EOGT: variants seen among roughly 807,000 people sequenced by gnomAD.
EOGT encodes the protein EGF domain specific O-linked N-acetylglucosamine transferase, also known as EGF domain-specific O-linked N-acetylglucosamine transferase.
Under a neutral mutation model 70.5 loss-of-function variants are expected in EOGT, and 55 were observed. The observed-to-expected ratio is 0.78, with a 90% CI of 0.63 to 0.98. The LOEUF (loss-of-function observed/expected upper bound fraction) is 0.98. EOGT is among the 50% of genes least tolerant of loss of function. The pLI, the probability that EOGT is intolerant of heterozygous loss-of-function variation, is 0.00. For synonymous variants in EOGT, 246 were observed against 217.1 expected (o/e 1.13, Z -1.17); for missense variants, 703 against 641.9 (o/e 1.10, Z -1.03).
intron 8 of EOGT, among the ~76,000 whole-genome samples, chr3:69,003,129 T>C (rs1423859518): frequency 1.3e-5 from 2 of 152,120 alleles, no homozygotes; most frequent in Non-Finnish European, 2.9e-5. Context: ...CCTACCTACA[T>C]ACCCGCACCT....
At position 68,988,580 on chromosome 3, in the gene EOGT, AAG is replaced by A; in HGVS notation, c.925-5_925-4del. ...AAAACAGCTTCTTTAAAACATACCT[AAG>A]AACAAAGATACATTAAAAGAAGATG... On this transcript the variant is annotated splice_region_variant and splice_polypyrimidine_tract_variant and intron_variant, in intron 11 of 17. Transcript: ENST00000383701. 1 of 1,516,140 alleles carries A rather than the reference AAG, an allele frequency of 6.6e-7. No individual in the cohort carries two copies. The highest frequency in any genetic ancestry group is 8.8e-7 in the Non-Finnish European group (1 of 1,133,476). The allele number at this position is 1,516,140 out of a possible 1,614,324, so 93.9% of individuals were successfully genotyped here. A position where few individuals can be genotyped will look rare whatever the true frequency, so the allele number is the denominator to read the frequency against.
chr3:69,001,635 G>A lies in EOGT; in HGVS notation c.700C>T (p.Pro234Ser). The A allele has an allele frequency of 1.9e-6, 3 of 1,609,422 alleles. No individual in the cohort carries two copies. Among genetic ancestry groups the A allele is most frequent in the Non-Finnish European group, 2.5e-6 (3 of 1,177,686 alleles). The change falls in exon 9 of 18, where the codon CCA becomes TCA. Residue 234 changes from proline to serine, a missense_variant. Physicochemically the swap from Pro to Ser is moderately conservative, Grantham distance 74. Transcript: ENST00000383701. ...DAKCDIVIEK[P>S]TYFMKLDAGV... ...GCATCTAATTTCATGAAATATGTTGGTTTTTCAATGACAATGTCACATTTA... is the reference window on the plus strand; with the variant it reads ...GCATCTAATTTCATGAAATATGTTGATTTTTCAATGACAATGTCACATTTA...
rs962092141 is a variant in EOGT at position 69,008,284 on chromosome 3, G to T, written c.311+144C>A. 17 of 657,300 alleles carry T rather than the reference G, an allele frequency of 2.6e-5. 1 individual carries two copies. The highest frequency in any genetic ancestry group is 4.1e-5 in the Non-Finnish European group (15 of 369,434). 40.7% of individuals were successfully genotyped at this position (657,300 alleles called of 1,614,324 possible). On this transcript the variant is annotated intron_variant, in intron 5 of 17. Transcript: ENST00000383701. ...TCCTATCCCAGTATGAAATAGTCAA[G>T]TTGAATTCATGACTGTGCAAGCAAA...
At chr3:68,980,230 A>G (rs2090600403) in intron 15 of EOGT, among the ~76,000 whole-genome samples, 1 of 152,246 alleles carries the variant, frequency 6.6e-6, no homozygotes, top group Non-Finnish European at 1.5e-5. Flanking sequence ...GTGACACACT[A>G]GCACTAAATT....
chr3:69,003,929 G>A (rs1466011447), intron 8 of EOGT, among the ~76,000 whole-genome samples: 1 of 152,010 alleles, frequency 6.6e-6, no homozygotes, highest in Non-Finnish European at 1.5e-5. Flanking sequence ...TTAGATTTGA[G>A]GTCTCATCAT....
chr3:68,992,639 T>G (rs1170979230), intron 10 of EOGT, among the ~76,000 whole-genome samples: 1 of 152,190 alleles, frequency 6.6e-6, no homozygotes, highest in African/African-American at 2.4e-5. Context: ...GATGGCCCTC[T>G]TCTCACAGCT....
At chr3:68,979,519 G>A in intron 16 of EOGT, 149 bp downstream of exon 16, 1 of 815,166 alleles carries the variant, frequency 1.2e-6, no homozygotes, top group Non-Finnish European at 1.8e-6. Flanking sequence ...TTAGCTTCAG[G>A]CCTCTTTTCT....
Position 69,008,488 on chromosome 3 carries a change from T to A in EOGT, c.251A>T (p.Lys84Ile). The A allele has an allele frequency of 6.2e-7, 1 of 1,614,126 alleles. No individual in the cohort carries two copies. The highest frequency in any genetic ancestry group is 8.5e-7 in the Non-Finnish European group (1 of 1,179,984). Reference sequence around the variant, plus strand: ...AAACCTGAACTCTGGTTTGCAGGATTTCTCATAACCCCAGCAGTACTTTAG... The same window carrying A: ...AAACCTGAACTCTGGTTTGCAGGATATCTCATAACCCCAGCAGTACTTTAG... ...EKLKYCWGYE[K>I]SCKPEFRFGY... The change falls in exon 5 of 18, where the codon AAA (lysine) becomes ATA (isoleucine). Residue 84 changes from lysine (K) to isoleucine (I), a missense_variant. By Grantham distance (102) the Lys-to-Ile change is moderately radical. Coordinates refer to ENST00000383701, the MANE Select transcript of EOGT (RefSeq NM_001278689.2).
chr3:69,006,510 G>GT (rs2091443490), intron 6 of EOGT, among the ~76,000 whole-genome samples: 2 of 152,174 alleles, frequency 1.3e-5, no homozygotes, highest in Non-Finnish European at 2.9e-5. Context: ...TACCTTAATC[G>GT]TAAGTGCTTA....
At chr3:68,978,988 C>T (rs2090554679) in intron 16 of EOGT, among the ~76,000 whole-genome samples, 1 of 152,150 alleles carries the variant, frequency 6.6e-6, no homozygotes, top group Admixed American at 6.6e-5. Flanking sequence ...ATTGGAAGTT[C>T]ATGACAACTT....
chr3:69,004,601 A>C, intron 7 of EOGT, 119 bp from the exon 8 acceptor site: 1 of 667,452 alleles, frequency 1.5e-6, no homozygotes. Flanking sequence ...GAATTTAACT[A>C]TTTACAATAG....
intron 6 of EOGT, among the ~76,000 whole-genome samples, chr3:69,007,015 C>A (rs528265459): frequency 6.6e-6 from 1 of 152,110 alleles, no homozygotes; most frequent in South Asian, 2.1e-4. Flanking sequence ...AAGCTCTGGG[C>A]AAATATAGAG....
chr3:68,997,142 T>C (rs1439064518), intron 10 of EOGT, among the ~76,000 whole-genome samples: 1 of 152,120 alleles, frequency 6.6e-6, no homozygotes. Context: ...GAAAAAAAGA[T>C]TGCACTAAAA....
intron 8 of EOGT, among the ~76,000 whole-genome samples, chr3:69,004,128 T>G (rs1172319509): frequency 6.6e-6 from 1 of 152,204 alleles, no homozygotes; most frequent in Non-Finnish European, 1.5e-5. Flanking sequence ...TGTGAGTTAA[T>G]AAAAATGGAT....
rs2090449885 is a variant in EOGT, at chr3:68,975,439, A to G, written c.*2179T>C. The G allele has an allele frequency of 2.0e-5, 3 of 152,638 alleles. No homozygotes were observed. In the South Asian group the frequency reaches 6.2e-4, roughly 32 times the overall value. 9.5% of individuals were successfully genotyped at this position (152,638 alleles called of 1,614,324 possible). A position where few individuals can be genotyped will look rare whatever the true frequency, so the allele number is the denominator to read the frequency against. On this transcript the variant is annotated 3_prime_UTR_variant, in exon 18 of 18. Coordinates refer to ENST00000383701, the MANE Select transcript of EOGT (RefSeq NM_001278689.2). ...TTCTCTCTTCAAATATAGCCGTTTT[A>G]TTATGAAATTGTTCTCAATTTCTGA...
Position 68,982,814 on chromosome 3 carries a change from T to C in EOGT, c.1211A>G (p.Tyr404Cys), listed in dbSNP as rs1336764425. The change falls in exon 15 of 18, where the codon TAT becomes TGT. Residue 404 changes from tyrosine to cysteine, a missense_variant. Transcript: ENST00000383701. The stretch of plus-strand genomic sequence containing the variant: ...GCTGAGATTGGCTATTACTTACCTA[T>C]ACTTGTAATCAACAATCTGGACTTC... ...TFEVQIVDYK[Y>C]RELGFLDQLR... is the part of the protein sequence containing the mutation. The C allele has an allele frequency of 3.1e-6, 5 of 1,606,258 alleles. No homozygotes were observed. The highest frequency in any genetic ancestry group is 4.3e-6 in the Non-Finnish European group (5 of 1,176,156).
Position 68,988,511 on chromosome 3 carries a change from G to A in EOGT, c.991C>T (p.Pro331Ser), listed in dbSNP as rs530310398. 2.6e-6 allele frequency: 4 copies of A among 1,531,522 alleles called. No homozygotes were observed. The highest frequency in any genetic ancestry group is 3.5e-6 in the Non-Finnish European group (4 of 1,143,318). The allele number at this position is 1,531,522 out of a possible 1,614,324, so 94.9% of individuals were successfully genotyped here. A position where few individuals can be genotyped will look rare whatever the true frequency, so the allele number is the denominator to read the frequency against. ...ATGGTAGACAATGTGCTTACCAGAG[G>A]AGTATTATAGAACAGCCCATACCTC... ...RMRYGLFYNTPLISGCQNTGL... is the reference protein window; with the variant it reads ...RMRYGLFYNTSLISGCQNTGL... The change falls in exon 12 of 18, where the codon CCT (proline) becomes TCT (serine). Residue 331 changes from proline (P) to serine (S), a missense_variant. Physicochemically the swap from Pro to Ser is moderately conservative, Grantham distance 74. Coordinates refer to ENST00000383701, the MANE Select transcript of EOGT (RefSeq NM_001278689.2).
intron 10 of EOGT, among the ~76,000 whole-genome samples, chr3:68,990,794 T>C (rs1326187871): frequency 2.6e-5 from 4 of 152,164 alleles, no homozygotes; most frequent in East Asian, 3.9e-4. Context: ...TCTACAGTTA[T>C]ACATTATGTT....
chr3:68,995,419 G>A (rs564342261), intron 10 of EOGT, among the ~76,000 whole-genome samples: 1 of 152,314 alleles, frequency 6.6e-6, no homozygotes, highest in Admixed American at 6.5e-5. Context: ...GGCAAAGGAA[G>A]GAGGTAACAC....
Sources: allele counts gnomAD v4.1 joint callset (sites outside exome capture counted in the v4.1 genomes callset), GRCh38; gene constraint gnomAD v4.1.1; transcripts MANE v1.5; gene names NCBI Gene and HGNC (gene_info 2026-07-23, HGNC 2026-07-21).